The following SP3 variants were observed in gnomAD, a reference collection of about 807,000 sequenced individuals.
SP3 encodes the protein transcription factor Sp3.
Under a neutral mutation model 70.3 loss-of-function variants are expected in SP3, and 10 were observed. That is an observed-to-expected ratio of 0.14 (90% CI 0.09 to 0.24). The LOEUF (loss-of-function observed/expected upper bound fraction) is 0.24, where lower values mean the gene tolerates loss of function less well. Ranked by LOEUF, SP3 falls within the 10% of genes least tolerant of loss-of-function variation. The probability of loss-of-function intolerance (pLI) is 1.00; values close to 1 mark genes in which losing one functional copy is unlikely to be tolerated. For synonymous variants in SP3, 402 were observed against 333.5 expected, an observed-to-expected ratio of 1.21 and a Z score of -2.24; for missense variants, 825 against 914.6, an observed-to-expected ratio of 0.90 and a Z score of 1.26.
At chr2:173,959,295 A>C (rs1690986665) in intron 3 of SP3, among the ~76,000 whole-genome samples, 1 of 152,106 alleles carries the variant, frequency 6.6e-6, no homozygotes, top group Admixed American at 6.5e-5. Flanking sequence ...AAAAGAGATA[A>C]AGTACACTAA....
chr2:173,954,691 A>C (rs1429979777), intron 4 of SP3, among the ~76,000 whole-genome samples, 182 bp downstream of exon 4: 1 of 152,214 alleles, frequency 6.6e-6, no homozygotes, highest in African/African-American at 2.4e-5. Flanking sequence ...CAAAAACTAC[A>C]AACTTTCAAA....
chr2:173,933,607 G>C (rs1469192708), intron 4 of SP3, among the ~76,000 whole-genome samples: 3 of 128,898 alleles, frequency 2.3e-5, no homozygotes, highest in Admixed American at 8.6e-5. Context: ...ATATTAGGAA[G>C]ACAGTACAAA....
chr2:173,915,873 C>G (rs2105457088), intron 5 of SP3: 1 of 151,906 alleles, frequency 6.6e-6, no homozygotes, highest in African/African-American at 2.4e-5. Flanking sequence ...TATTTTACAC[C>G]TTACTTTAAA....
chr2:173,960,682 T>C (rs1691040726), intron 3 of SP3, among the ~76,000 whole-genome samples: 2 of 152,188 alleles, frequency 1.3e-5, no homozygotes, highest in Non-Finnish European at 1.5e-5. Flanking sequence ...AATAGTCACT[T>C]ATTTTAGGCC....
At chr2:173,929,378 A>G (rs1690005005) in intron 4 of SP3, among the ~76,000 whole-genome samples, 1 of 152,206 alleles carries the variant, frequency 6.6e-6, no homozygotes, top group Non-Finnish European at 1.5e-5. Context: ...ATCCAGTCTC[A>G]GCATCAAGAT....
intron 4 of SP3, among the ~76,000 whole-genome samples, chr2:173,952,131 T>C (rs543193776): frequency 1.3e-5 from 2 of 151,224 alleles, no homozygotes; most frequent in East Asian, 3.9e-4. Context: ...GAAATATCTG[T>C]CACTTAAGTA....
chr2:173,930,308 G>T (rs779592436), intron 4 of SP3, among the ~76,000 whole-genome samples: 3 of 152,046 alleles, frequency 2.0e-5, no homozygotes, highest in African/African-American at 7.2e-5. Flanking sequence ...AGGCACAGTC[G>T]CTCATCCCAG....
chr2:173,965,362 G>GA lies in SP3; in HGVS notation c.-192dup. 7.8e-6 allele frequency: 5 copies of GA among 639,808 alleles called. No homozygotes were observed. The highest frequency in any genetic ancestry group is 1.3e-5 in the Non-Finnish European group (5 of 372,544). The allele number at this position is 639,808 out of a possible 1,614,324, so 39.6% of individuals were successfully genotyped here. On this transcript the variant is annotated 5_prime_UTR_variant, in exon 1 of 7. Coordinates refer to ENST00000310015, the MANE Select transcript of SP3 (RefSeq NM_003111.5). ...GTGGAGCCTCCAGCCCAAAAGGGGG[G>GA]AAGAGGGTGACAGCCCGCCCGGAAC... is the stretch of plus-strand genomic sequence containing the variant.
chr2:173,949,656 TAAA>T (rs1690657692), intron 4 of SP3, among the ~76,000 whole-genome samples: 1 of 152,180 alleles, frequency 6.6e-6, no homozygotes, highest in African/African-American at 2.4e-5. Context: ...TTTAAATACT[TAAA>T]TATTAAGTTA....
In SP3 at chr2:173,907,463, A is replaced by G. The variant is rs1689363364; in HGVS notation, c.*2478T>C. ...GTTACATAACTTTGGTAAAAGTTCC[A>G]AAGTTCACTAATATATTCCTAGGGG... On this transcript the variant is annotated 3_prime_UTR_variant, in exon 7 of 7. Coordinates refer to ENST00000310015, the MANE Select transcript of SP3 (RefSeq NM_003111.5). 6.6e-6 allele frequency: 1 copy of G among 152,150 alleles called. No individual in the cohort carries two copies. Among genetic ancestry groups the G allele is most frequent in the South Asian group, 2.1e-4 (1 of 4,832 alleles). The allele number at this position is 152,150 out of a possible 1,614,324, so 9.4% of individuals were successfully genotyped here. A position where few individuals can be genotyped will look rare whatever the true frequency, so the allele number is the denominator to read the frequency against.
chr2:173,942,909 C>CTA (rs963522908), intron 4 of SP3, among the ~76,000 whole-genome samples: 1 of 151,924 alleles, frequency 6.6e-6, no homozygotes, highest in East Asian at 1.9e-4. Flanking sequence ...TACAGTACAA[C>CTA]TATATATATA....
At position 173,942,517 on chromosome 2, in the gene SP3, G is replaced by A. The variant is rs138534778; in HGVS notation, c.1639+12356C>T. On this transcript the variant is annotated intron_variant, in intron 4 of 6. Transcript: ENST00000310015. ...GGAGGTGGAAGTTACAGTCAGCCAAGATCATGCCACTGCACTCCAGTCTGG... is the reference window on the plus strand; with the variant it reads ...GGAGGTGGAAGTTACAGTCAGCCAAAATCATGCCACTGCACTCCAGTCTGG... 2.1e-3 allele frequency among the ~76,000 whole-genome samples: 324 copies of A among 152,304 alleles called. 3 individuals are homozygous for A. Among genetic ancestry groups the A allele is most frequent in the African/African-American group, 7.5e-3 (313 of 41,556 alleles).
chr2:173,963,513 C>T (rs1691154208), intron 3 of SP3: 1 of 154,544 alleles, frequency 6.5e-6, no homozygotes, highest in African/African-American at 2.4e-5. Flanking sequence ...TCCTCTACCC[C>T]CGCCCTCTCA....
At chr2:173,963,705 G>C (rs1283788964) in intron 3 of SP3, 56 bp downstream of exon 3, 2 of 696,820 alleles carry the variant, frequency 2.9e-6, no homozygotes, top group Non-Finnish European at 3.6e-6. Flanking sequence ...GCGCGCCACG[G>C]GTCCGGGATG....
chr2:173,962,160 G>A (rs959699618), intron 3 of SP3, among the ~76,000 whole-genome samples: 2 of 152,004 alleles, frequency 1.3e-5, no homozygotes, highest in Non-Finnish European at 2.9e-5. Flanking sequence ...GGCTAAGGTT[G>A]GAGACAGTAT....
intron 3 of SP3, chr2:173,963,005 T>C (rs1426176579): frequency 6.6e-6 from 1 of 152,256 alleles, no homozygotes; most frequent in Non-Finnish European, 1.5e-5. Context: ...GAAAACATAC[T>C]TTTGCCAACC....
At chr2:173,963,956 C>G in intron 2 of SP3, 73 bp from the exon 3 acceptor site, 1 of 1,107,544 alleles carries the variant, frequency 9.0e-7, no homozygotes, top group Non-Finnish European at 1.2e-6. Context: ...CCGCCTTTCG[C>G]ACAGGAAGTA....
At position 173,911,812 on chromosome 2, in the gene SP3, C is replaced by CTT. The variant is rs1559088958; in HGVS notation, c.2029+1257_2029+1258insAA. Among the ~76,000 whole-genome samples the CTT allele has an allele frequency of 1.1e-3, 127 of 115,894 alleles. 2 individuals are homozygous for CTT. Among genetic ancestry groups the CTT allele is most frequent in the Middle Eastern group, 4.5e-3 (1 of 222 alleles). The allele number at this position is 115,894 out of a possible 152,430, so 76.0% of individuals were successfully genotyped here. A position where few individuals can be genotyped will look rare whatever the true frequency, so the allele number is the denominator to read the frequency against. On this transcript the variant is annotated intron_variant, in intron 6 of 6. Transcript: ENST00000310015. ...ACTGCAACGCAAAATCTTTTATCTA[C>CTT]CTTTTTTTTTTTTTTTTTTTTTTTG...
At chr2:173,963,700 C>T (rs1691162737) in intron 3 of SP3, 61 bp downstream of exon 3, 18 of 665,144 alleles carry the variant, frequency 2.7e-5, no homozygotes, top group Non-Finnish European at 3.2e-5. Flanking sequence ...GGCAGGCGCG[C>T]CACGGGTCCG....
Sources: gnomAD v4.1 joint callset for allele counts (sites outside exome capture counted in the v4.1 genomes callset) on GRCh38, gnomAD v4.1.1 for gene constraint, MANE v1.5 for transcripts, NCBI Gene and HGNC (gene_info 2026-07-23, HGNC 2026-07-21) for gene names.